Variants in STIL observed in about 807,000 individuals in gnomAD.
The protein encoded by STIL is STIL centriolar assembly protein.
In STIL, 55 loss-of-function variants were observed where a neutral mutation model predicts 110.1. The observed-to-expected ratio is 0.50, with a 90% CI of 0.40 to 0.63. The LOEUF (loss-of-function observed/expected upper bound fraction) is 0.63, where lower values mean the gene tolerates loss of function less well. STIL is among the 20% of genes least tolerant of loss of function. The pLI is 0.00. For missense variants in STIL, 1,358 were observed against 1,530.0 expected (o/e 0.89, Z 1.87); for synonymous variants, 481 against 530.0 (o/e 0.91, Z 1.27).
chr1:47,294,350 TAAG>T (rs1004605076), intron 7 of STIL, among the ~76,000 whole-genome samples: 3 of 152,248 alleles, frequency 2.0e-5, no homozygotes, highest in African/African-American at 7.2e-5. Context: ...TTAAATTCTT[TAAG>T]AAGCTTTAAA....
chr1:47,312,757 T>C (rs1271017369), intron 1 of STIL, among the ~76,000 whole-genome samples: 1 of 152,208 alleles, frequency 6.6e-6, no homozygotes, highest in Non-Finnish European at 1.5e-5. Context: ...GGTACTTTCA[T>C]TCTGTCAGTG....
chr1:47,303,425 C>T (rs570722967), intron 3 of STIL, among the ~76,000 whole-genome samples: 1 of 152,234 alleles, frequency 6.6e-6, no homozygotes, highest in South Asian at 2.1e-4. Context: ...ATTAGCCAGG[C>T]GTGGTGGCAC....
Position 47,251,015 on chromosome 1 carries a change from G to T in STIL, c.*121C>A. 1 of 918,118 alleles carries T rather than the reference G, an allele frequency of 1.1e-6. No individual in the cohort carries two copies. The highest frequency in any genetic ancestry group is 1.6e-6 in the Non-Finnish European group (1 of 617,484). 56.9% of individuals were successfully genotyped at this position (918,118 alleles called of 1,614,324 possible). A position where few individuals can be genotyped will look rare whatever the true frequency, so the allele number is the denominator to read the frequency against. ...CTCACAGAAGTCACTCTTCCCAATTGGCTGCTACCAAGAAACAGTGACTCC... is the reference window on the plus strand; with the variant it reads ...CTCACAGAAGTCACTCTTCCCAATTTGCTGCTACCAAGAAACAGTGACTCC... On this transcript the variant is annotated 3_prime_UTR_variant, in exon 17 of 17. Transcript: ENST00000371877.
At chr1:47,309,157 TA>T (rs1160957840) in intron 2 of STIL, among the ~76,000 whole-genome samples, 2 of 152,164 alleles carry the variant, frequency 1.3e-5, no homozygotes, top group African/African-American at 4.8e-5. Context: ...CATATGTGAT[TA>T]TTACACATTG....
chr1:47,305,097 GA>G, intron 2 of STIL, 101 bp from the exon 3 acceptor site: 1 of 807,494 alleles, frequency 1.2e-6, no homozygotes, highest in East Asian at 2.7e-5. Context: ...GGTATTTTCA[GA>G]CTACTTTTGT....
chr1:47,260,486 A>T lies in STIL; in HGVS notation c.2883T>A (p.Ser961=). 6.2e-7 allele frequency: 1 copy of T among 1,614,220 alleles called. No individual in the cohort carries two copies. Among genetic ancestry groups the T allele is most frequent in the Non-Finnish European group, 8.5e-7 (1 of 1,180,052 alleles). Residue 961 remains serine, a synonymous_variant, in exon 16 of 17, where the codon TCT becomes TCA. Transcript: ENST00000371877. ...CATGACTGATAATTACTGCTTTGGT[A>T]GACGGCTGCTCAGTTTCCTTGGAGG... is the stretch of plus-strand genomic sequence containing the variant. The part of the protein sequence containing the change: ...NSSSKETEQP[S]TKAVIISHEC...
At chr1:47,308,436 AAG>A (rs1553183455) in intron 2 of STIL, among the ~76,000 whole-genome samples, 25 of 151,708 alleles carry the variant, frequency 1.6e-4, no homozygotes, top group Admixed American at 9.8e-4. Context: ...GGAAAAAAAA[AAG>A]AATAAATTCC....
chr1:47,286,481 G>C (rs573246137), intron 10 of STIL, among the ~76,000 whole-genome samples: 1 of 151,918 alleles, frequency 6.6e-6, no homozygotes, highest in Admixed American at 6.5e-5. Context: ...GGCTGAGGTG[G>C]GTGGATCACG....
intron 2 of STIL, 28 bp from the exon 3 acceptor site, chr1:47,305,024 G>C (rs759302504): frequency 6.4e-7 from 1 of 1,551,048 alleles, no homozygotes; most frequent in South Asian, 1.1e-5. Flanking sequence ...TAAAATTAAA[G>C]CACAAGGAAT....
At chr1:47,264,182 C>T (rs1197776580) in intron 14 of STIL, among the ~76,000 whole-genome samples, 1 of 152,200 alleles carries the variant, frequency 6.6e-6, no homozygotes, top group Non-Finnish European at 1.5e-5. Flanking sequence ...CTAGATAGCT[C>T]CTTTCACCAC....
At chr1:47,266,352 C>A (rs1262240241) in intron 14 of STIL, among the ~76,000 whole-genome samples, 1 of 152,100 alleles carries the variant, frequency 6.6e-6, no homozygotes, top group African/African-American at 2.4e-5. Context: ...TGTCACCTTA[C>A]CAGTTCACCT....
chr1:47,300,791 G>T lies in STIL; in HGVS notation c.454-639C>A, dbSNP rs948293353. ...AAAATAATTCCGATTGAGCCTCAGA[G>T]AATCTAAAGTCCATTCCTCTTTGAT... On this transcript the variant is annotated intron_variant, in intron 5 of 16. Coordinates refer to ENST00000371877, the MANE Select transcript of STIL (RefSeq NM_001048166.1). 3.9e-5 allele frequency among the ~76,000 whole-genome samples: 6 copies of T among 152,242 alleles called. No homozygotes were observed. In the East Asian group the frequency reaches 1.2e-3, roughly 29 times the overall value.
chr1:47,250,925 G>T lies in STIL; in HGVS notation c.*211C>A. 1 of 545,168 alleles carries T rather than the reference G, an allele frequency of 1.8e-6. No homozygotes were observed. Among genetic ancestry groups the T allele is most frequent in the Non-Finnish European group, 3.2e-6 (1 of 311,456 alleles). The allele number at this position is 545,168 out of a possible 1,614,324, so 33.8% of individuals were successfully genotyped here. A position where few individuals can be genotyped will look rare whatever the true frequency, so the allele number is the denominator to read the frequency against. Reference sequence around the variant, plus strand: ...ACTGATCTCAGGGCTTTTCTTAAAGGTTTCAGTGATGTTGAACAGCTCTAT... The same window carrying T: ...ACTGATCTCAGGGCTTTTCTTAAAGTTTTCAGTGATGTTGAACAGCTCTAT... On this transcript the variant is annotated 3_prime_UTR_variant, in exon 17 of 17. Transcript: ENST00000371877.
intron 7 of STIL, among the ~76,000 whole-genome samples, chr1:47,294,667 A>G (rs1645591253): frequency 6.6e-6 from 1 of 152,234 alleles, no homozygotes; most frequent in Non-Finnish European, 1.5e-5. Flanking sequence ...CCTGTGTGAC[A>G]AAGTGAGACC....
Position 47,281,092 on chromosome 1 carries a change from T to A in STIL, c.1366A>T (p.Ile456Phe). ...EMVNNENPPLINHLEHLKPLQ... is the reference protein window; with the variant it reads ...EMVNNENPPLFNHLEHLKPLQ... ...GGCTTCAAGTGTTCCAAGTGGTTAA[T>A]CAAAGGAGGATTTTCATTATTCACC... Residue 456 changes from isoleucine (I) to phenylalanine (F), a missense_variant, in exon 12 of 17, where the codon ATT becomes TTT. Transcript: ENST00000371877. 1 of 1,614,154 alleles carries A rather than the reference T, an allele frequency of 6.2e-7. No individual in the cohort carries two copies. Among genetic ancestry groups the A allele is most frequent in the Non-Finnish European group, 8.5e-7 (1 of 1,180,028 alleles).
rs149813552 is a variant in STIL, at chr1:47,295,837, A to G, written c.713T>C (p.Met238Thr). ...QGTYKYGYLT[M>T]DETRKLLLLL... ...AAGTAACAATTTGCGTGTTTCATCC[A>G]TGGTAAGATATCTAAACAGAAGACA... is the stretch of plus-strand genomic sequence containing the variant. The change falls in exon 7 of 17, where the codon ATG becomes ACG. Residue 238 changes from methionine to threonine, a missense_variant. Physicochemically the swap from Met to Thr is moderately conservative, Grantham distance 81 (BLOSUM62 -1). Transcript: ENST00000371877. The G allele has an allele frequency of 1.1e-5, 18 of 1,611,066 alleles. No individual in the cohort carries two copies. The African/African-American group carries it at 2.1e-4, about 19-fold the overall frequency.
At chr1:47,296,219 A>G (rs3125628) in intron 6 of STIL, among the ~76,000 whole-genome samples, 88,430 of 151,994 alleles carry the variant, frequency 0.58, 27,880 homozygotes, top group African/African-American at 0.84. Context: ...CCCTATCACT[A>G]GAAAATGTTC....
chr1:47,292,024 T>G, intron 8 of STIL, among the ~76,000 whole-genome samples: 1 of 148,440 alleles, frequency 6.7e-6, no homozygotes, highest in Admixed American at 6.6e-5. Context: ...GCTAACTTGT[T>G]TTTTGTTTTT....
At chr1:47,262,878 G>A (rs773135027) in intron 15 of STIL, 25 bp downstream of exon 15, 11 of 1,607,042 alleles carry the variant, frequency 6.8e-6, no homozygotes, top group Non-Finnish European at 9.4e-6. Context: ...TTCTCAAAAA[G>A]ATGAAATGCT....
Sources: gnomAD v4.1 joint callset for allele counts (sites outside exome capture counted in the v4.1 genomes callset) on GRCh38, gnomAD v4.1.1 for gene constraint, MANE v1.5 for transcripts, NCBI Gene and HGNC (gene_info 2026-07-23, HGNC 2026-07-21) for gene names.